VWA3A: variants seen among roughly 807,000 people sequenced by gnomAD.
The protein encoded by VWA3A is von Willebrand factor A domain containing 3A, also known as von Willebrand factor A domain-containing protein 3A.
A neutral mutation model predicts 160.4 loss-of-function variants in VWA3A; 134 were observed. The ratio of observed to expected loss-of-function variants is 0.84; its 90% CI spans 0.73 to 0.96. VWA3A has a LOEUF of 0.96. Ranked by LOEUF, VWA3A falls within the 40% of genes least tolerant of loss-of-function variation. The pLI, the probability that VWA3A is intolerant of heterozygous loss-of-function variation, is 0.00. For missense variants in VWA3A, 1,310 were observed against 1,447.9 expected (o/e 0.90, Z 1.55); for synonymous variants, 476 against 543.4 (o/e 0.88, Z 1.72).
chr16:22,104,694 T>A (rs529989205), intron 6 of VWA3A, among the ~76,000 whole-genome samples: 19 of 152,112 alleles, frequency 1.2e-4, no homozygotes, highest in African/African-American at 4.3e-4. Context: ...AAAAAAAAAT[T>A]TTTTTTAATT....
chr16:22,093,686 C>T (rs1011435107), intron 1 of VWA3A, among the ~76,000 whole-genome samples: 2 of 152,184 alleles, frequency 1.3e-5, no homozygotes, highest in African/African-American at 2.4e-5. Context: ...CTCTTGATAA[C>T]AGCATTGAAG....
chr16:22,150,861 G>A lies in VWA3A; in HGVS notation c.3281+15G>A. ...TGCTCAGACAGGTGCGCAATATGGA[G>A]TCTGACTGAGTTTTATTCTTTTTCC... On this transcript the variant is annotated intron_variant, in intron 30 of 33. Coordinates refer to ENST00000389398, the MANE Select transcript of VWA3A (RefSeq NM_173615.5). The A allele has an allele frequency of 2.5e-6, 4 of 1,606,526 alleles. No individual in the cohort carries two copies. Among genetic ancestry groups the A allele is most frequent in the Non-Finnish European group, 3.4e-6 (4 of 1,176,044 alleles).
chr16:22,124,011 CA>C (rs760317400), intron 16 of VWA3A, among the ~76,000 whole-genome samples: 1 of 151,662 alleles, frequency 6.6e-6, no homozygotes, highest in Non-Finnish European at 1.5e-5. Context: ...CCTGTCTCTA[CA>C]AAAAATAAAA....
rs535729650 is a variant in VWA3A, at chr16:22,156,476, C to T, written c.*459C>T. 1 of 153,640 alleles carries T rather than the reference C, an allele frequency of 6.5e-6. No individual in the cohort carries two copies. The highest frequency in any genetic ancestry group is 2.0e-4 in the South Asian group (1 of 4,882). 9.5% of individuals were successfully genotyped at this position (153,640 alleles called of 1,614,324 possible). On this transcript the variant is annotated 3_prime_UTR_variant, in exon 34 of 34. Coordinates refer to ENST00000389398, the MANE Select transcript of VWA3A (RefSeq NM_173615.5). The stretch of plus-strand genomic sequence containing the variant: ...CCTGACCACGCAGACCTCTCGCACT[C>T]AGCACTCTATGTCACGCCACCTTGC...
intron 17 of VWA3A, among the ~76,000 whole-genome samples, chr16:22,128,640 T>C (rs1384919772): frequency 6.6e-6 from 1 of 152,208 alleles, no homozygotes. Flanking sequence ...TATATGTGCA[T>C]TGCAGCACTA....
chr16:22,118,513 G>T (rs961272470), intron 11 of VWA3A, among the ~76,000 whole-genome samples: 1 of 151,926 alleles, frequency 6.6e-6, no homozygotes, highest in Non-Finnish European at 1.5e-5. Flanking sequence ...GTGAAACCCC[G>T]TCTCTACTAA....
intron 6 of VWA3A, among the ~76,000 whole-genome samples, chr16:22,105,878 T>C (rs945435163): frequency 2.0e-5 from 3 of 152,248 alleles, no homozygotes; most frequent in African/African-American, 7.2e-5. Flanking sequence ...ATTTGGGTCA[T>C]GAATTCAACA....
Position 22,128,373 on chromosome 16 carries a change from A to G in VWA3A, c.1652+2076A>G, listed in dbSNP as rs190078749. 9.8e-5 allele frequency among the ~76,000 whole-genome samples: 15 copies of G among 152,326 alleles called. No individual in the cohort carries two copies. The East Asian group carries it at 2.9e-3, about 29-fold the overall frequency. On this transcript the variant is annotated intron_variant, in intron 17 of 33. Transcript: ENST00000389398. Reference sequence around the variant, plus strand: ...TGTTGAGTGGGCTTGAGCCAAGGCAATGTGAATGGAAGAAAGAGTGCGTGG... The same window carrying G: ...TGTTGAGTGGGCTTGAGCCAAGGCAGTGTGAATGGAAGAAAGAGTGCGTGG...
chr16:22,116,825 C>T lies in VWA3A; in HGVS notation c.882C>T (p.Ile294=). The change falls in exon 10 of 34, where the codon ATC becomes ATT. Residue 294 remains isoleucine (I), a synonymous_variant. Coordinates refer to ENST00000389398, the MANE Select transcript of VWA3A (RefSeq NM_173615.5). ...AGTCCACCATGGGAAGAGACCTCAT[C>T]ATCCACTTCATCACCTACAGATGCG... ...IQQSTMGRDL[I]IHFITYRCDD... 6.2e-7 allele frequency: 1 copy of T among 1,613,492 alleles called. No individual in the cohort carries two copies.
intron 3 of VWA3A, among the ~76,000 whole-genome samples, chr16:22,099,789 AG>A (rs1220232149): frequency 6.6e-6 from 1 of 152,132 alleles, no homozygotes; most frequent in African/African-American, 2.4e-5. Context: ...CGGACAAACC[AG>A]GGGGCTGGGT....
chr16:22,106,377 T>G (rs906877643), intron 6 of VWA3A, among the ~76,000 whole-genome samples: 1 of 151,756 alleles, frequency 6.6e-6, no homozygotes, highest in Admixed American at 6.6e-5. Flanking sequence ...AGAGTGAGAC[T>G]CCCTCTCAAA....
intron 18 of VWA3A, 58 bp downstream of exon 18, chr16:22,131,337 G>T (rs2045944328): frequency 1.3e-6 from 2 of 1,579,138 alleles, no homozygotes; most frequent in Admixed American, 1.8e-5. Context: ...TGCAGGCATT[G>T]TTTTCTCTGT....
chr16:22,146,211 C>T (rs773170508), intron 26 of VWA3A, 25 bp from the exon 27 acceptor site: 5 of 1,586,356 alleles, frequency 3.2e-6, no homozygotes, highest in African/African-American at 1.3e-5. Context: ...GGGGTGGGTG[C>T]TTGCCTCTGC....
intron 1 of VWA3A, among the ~76,000 whole-genome samples, chr16:22,093,031 G>C (rs1598036516): frequency 2.6e-5 from 4 of 152,134 alleles, no homozygotes; most frequent in Admixed American, 2.6e-4. Flanking sequence ...GCCATGGCCT[G>C]GTTGTTCTTT....
intron 5 of VWA3A, among the ~76,000 whole-genome samples, chr16:22,102,743 T>C (rs2045424891): frequency 6.6e-6 from 1 of 152,232 alleles, no homozygotes; most frequent in Non-Finnish European, 1.5e-5. Context: ...GAACAATTCC[T>C]TCTGAGAAGA....
intron 27 of VWA3A, among the ~76,000 whole-genome samples, chr16:22,147,301 G>A (rs1320461750): frequency 6.6e-6 from 1 of 152,152 alleles, no homozygotes; most frequent in Non-Finnish European, 1.5e-5. Flanking sequence ...TGGGGTTATA[G>A]GTGTGAGCTA....
At chr16:22,139,863 A>G (rs2046111032) in intron 22 of VWA3A, among the ~76,000 whole-genome samples, 1 of 152,138 alleles carries the variant, frequency 6.6e-6, no homozygotes, top group African/African-American at 2.4e-5. Context: ...TCTCACTAGC[A>G]GCTCTCTCAC....
At chr16:22,152,067 C>T (rs11860482) in intron 30 of VWA3A, among the ~76,000 whole-genome samples, 61 of 152,234 alleles carry the variant, frequency 4.0e-4, no homozygotes, top group African/African-American at 1.5e-3. Flanking sequence ...AAAAATGAGC[C>T]GGGCGTGGTG....
intron 21 of VWA3A, among the ~76,000 whole-genome samples, chr16:22,136,874 TACACACACACACACACACACGCAC>T (rs1567217888): frequency 1.5e-5 from 2 of 134,488 alleles, no homozygotes; most frequent in African/African-American, 6.2e-5. Context: ...CTACTAAAAA[TACACACACACACACACACACGCAC>T]ACACACACAC....
Sources: allele counts gnomAD v4.1 joint callset (sites outside exome capture counted in the v4.1 genomes callset), GRCh38; gene constraint gnomAD v4.1.1; transcripts MANE v1.5; gene names NCBI Gene and HGNC (gene_info 2026-07-23, HGNC 2026-07-21).